The following MYH9 variants were observed in gnomAD, a reference collection of about 807,000 sequenced individuals.
The protein encoded by MYH9 is myosin heavy chain 9.
A neutral mutation model predicts 241.9 loss-of-function variants in MYH9; 29 were observed. The observed-to-expected ratio is 0.12, with a 90% confidence interval of 0.09 to 0.16. The LOEUF is 0.16. Ranked by LOEUF, MYH9 falls within the 10% of genes least tolerant of loss-of-function variation. MYH9 has a pLI of 1.00. For synonymous variants in MYH9, 1,047 were observed against 1,062.6 expected, an observed-to-expected ratio of 0.99 and a Z score of 0.29; for missense variants, 1,803 against 2,595.5, an observed-to-expected ratio of 0.69 and a Z score of 6.63.
rs112996252 is a variant in MYH9, at chr22:36,308,431, ATTTT to A, written c.1843+847_1843+850del. Among the ~76,000 whole-genome samples the A allele has an allele frequency of 9.8e-3, 1,401 of 143,594 alleles. 14 individuals carry two copies. Among genetic ancestry groups the A allele is most frequent in the Non-Finnish European group, 0.013 (831 of 65,106 alleles). 94.2% of individuals were successfully genotyped at this position (143,594 alleles called of 152,430 possible). ...AGGCATGCACCATCACACCCAGCTGATTTTTTTTTTTTTAATTTTTTTGTAGAGA... is the reference window on the plus strand; with the variant it reads ...AGGCATGCACCATCACACCCAGCTGATTTTTTTTTAATTTTTTTGTAGAGA... On this transcript the variant is annotated intron_variant, in intron 15 of 40. Transcript: ENST00000216181.
chr22:36,336,215 T>G (rs2017495895), intron 3 of MYH9, among the ~76,000 whole-genome samples: 1 of 152,230 alleles, frequency 6.6e-6, no homozygotes, highest in African/African-American at 2.4e-5. Flanking sequence ...CTAATTCACA[T>G]AGAAGGGGCT....
rs746272927 is a variant in MYH9, at chr22:36,304,094, C to T, written c.2291G>A (p.Arg764His). 9 of 1,613,696 alleles carry T rather than the reference C, an allele frequency of 5.6e-6. No homozygotes were observed. Among genetic ancestry groups the T allele is most frequent in the Non-Finnish European group, 7.6e-6 (9 of 1,180,030 alleles). Reference sequence around the variant, plus strand: ...CTCCAGGTGGGCCAGCACACCGGCACGGAAGAAGACTTTGCTCTGGCCAAT... The same window carrying T: ...CTCCAGGTGGGCCAGCACACCGGCATGGAAGAAGACTTTGCTCTGGCCAAT... Reference protein sequence around the residue: ...YRIGQSKVFFRAGVLAHLEEE... With the variant: ...YRIGQSKVFFHAGVLAHLEEE... Residue 764 changes from arginine to histidine, a missense_variant, in exon 19 of 41, where the codon CGT (arginine) becomes CAT (histidine). By Grantham distance (29) the Arg-to-His change is conservative. This residue lies in a region of MYH9 where 72 missense variants were observed against 83.3 expected (regional missense o/e 0.86). Coordinates refer to ENST00000216181, the MANE Select transcript of MYH9 (RefSeq NM_002473.6).
intron 1 of MYH9, among the ~76,000 whole-genome samples, chr22:36,354,956 A>AACACACACACACACACACACACACACAC (rs136203): frequency 8.9e-5 from 11 of 123,712 alleles, no homozygotes; most frequent in South Asian, 2.8e-4. Flanking sequence ...CAAAAAACAA[A>AACACACACACACACACACACACACACAC]ACACACACAC....
intron 1 of MYH9, among the ~76,000 whole-genome samples, chr22:36,371,668 C>T (rs548204425): frequency 6.6e-6 from 1 of 152,314 alleles, no homozygotes; most frequent in Admixed American, 6.5e-5. Context: ...TCCCAAGTAG[C>T]TGGGATTACA....
Position 36,305,731 on chromosome 22 carries a change from T to C in MYH9, c.2159+199A>G, listed in dbSNP as rs2016957563. Among the ~76,000 whole-genome samples the C allele has an allele frequency of 6.6e-6, 1 of 152,146 alleles. No individual in the cohort carries two copies. Among genetic ancestry groups the C allele is most frequent in the African/African-American group, 2.4e-5 (1 of 41,424 alleles). On this transcript the variant is annotated intron_variant, in intron 17 of 40. Coordinates refer to ENST00000216181, the MANE Select transcript of MYH9 (RefSeq NM_002473.6). The surrounding 1 kb of genome is among the most constrained non-coding windows in gnomAD (Gnocchi z 4.7). ...GATGATGATGACCTGCATTTCGGTATTAAAATGGGGAAGTCTCCTTTCCTG... is the reference window on the plus strand; with the variant it reads ...GATGATGATGACCTGCATTTCGGTACTAAAATGGGGAAGTCTCCTTTCCTG...
At chr22:36,352,611 C>G (rs1045690578) in intron 1 of MYH9, among the ~76,000 whole-genome samples, 2 of 152,210 alleles carry the variant, frequency 1.3e-5, no homozygotes, top group African/African-American at 4.8e-5. Context: ...GCCCTCAGAA[C>G]CTCACCCTGT....
At position 36,306,317 on chromosome 22, in the gene MYH9, G is replaced by T; in HGVS notation, c.2037+97C>A. On this transcript the variant is annotated intron_variant, in intron 16 of 40. Coordinates refer to ENST00000216181, the MANE Select transcript of MYH9 (RefSeq NM_002473.6). This position sits in a 1 kb window ranked among gnomAD's most constrained non-coding sequence, Gnocchi z 4.1. The stretch of plus-strand genomic sequence containing the variant: ...AACGACTGAAGGCTCTGTGCATGCT[G>T]GGGGGCTGGAGGGGTGCTTTTGCTG... The T allele has an allele frequency of 6.7e-7, 1 of 1,487,054 alleles. No individual in the cohort carries two copies. The highest frequency in any genetic ancestry group is 1.4e-5 in the African/African-American group (1 of 72,316). The allele number at this position is 1,487,054 out of a possible 1,614,324, so 92.1% of individuals were successfully genotyped here. A position where few individuals can be genotyped will look rare whatever the true frequency, so the allele number is the denominator to read the frequency against.
chr22:36,313,229 C>A (rs2017094511), intron 13 of MYH9, among the ~76,000 whole-genome samples: 1 of 151,690 alleles, frequency 6.6e-6, no homozygotes, highest in Non-Finnish European at 1.5e-5. Context: ...TTTGGGAGGC[C>A]GAGGAGGGCA....
chr22:36,304,197 C>T, intron 18 of MYH9, 42 bp from the exon 19 acceptor site: 1 of 1,609,720 alleles, frequency 6.2e-7, no homozygotes. Flanking sequence ...CAGCAACTGG[C>T]CACAGCTCCA....
chr22:36,308,901 G>A (rs2017014670), intron 15 of MYH9: 1 of 975,044 alleles, frequency 1.0e-6, no homozygotes, highest in Non-Finnish European at 1.2e-6. Flanking sequence ...CAAAACCCAG[G>A]CAAAGGAAAA....
rs1324204943 is a variant in MYH9, at chr22:36,295,790, T to C, written c.3273-73A>G. 7.1e-6 allele frequency: 10 copies of C among 1,412,722 alleles called. No individual in the cohort carries two copies. Among genetic ancestry groups the C allele is most frequent in the Non-Finnish European group, 9.8e-6 (10 of 1,023,958 alleles). The allele number at this position is 1,412,722 out of a possible 1,614,324, so 87.5% of individuals were successfully genotyped here. A position where few individuals can be genotyped will look rare whatever the true frequency, so the allele number is the denominator to read the frequency against. ...AGGAGCAGAGTTTGCAGGACAGGCCTGAGAGAGCTGCAGCAGCCAAAGCTG... is the reference window on the plus strand; with the variant it reads ...AGGAGCAGAGTTTGCAGGACAGGCCCGAGAGAGCTGCAGCAGCCAAAGCTG... On this transcript the variant is annotated intron_variant, in intron 25 of 40. Transcript: ENST00000216181. The surrounding 1 kb of genome is among the most constrained non-coding windows in gnomAD (Gnocchi z 4.1).
In MYH9 at chr22:36,282,525, G is replaced by A. The variant is rs1264288117; in HGVS notation, c.*143C>T. The stretch of plus-strand genomic sequence containing the variant: ...CCCTCAACAACACCTGGAGGGAAAC[G>A]GGATGGGGGGACGGGGCGGAGGGCA... On this transcript the variant is annotated 3_prime_UTR_variant, in exon 41 of 41. Coordinates refer to ENST00000216181, the MANE Select transcript of MYH9 (RefSeq NM_002473.6). The A allele has an allele frequency of 2.4e-6, 2 of 834,226 alleles. No individual in the cohort carries two copies. The highest frequency in any genetic ancestry group is 2.7e-5 in the South Asian group (2 of 75,424). 51.7% of individuals were successfully genotyped at this position (834,226 alleles called of 1,614,324 possible).
intron 2 of MYH9, among the ~76,000 whole-genome samples, chr22:36,343,125 A>G (rs555794028): frequency 6.6e-6 from 1 of 152,328 alleles, no homozygotes; most frequent in East Asian, 1.9e-4. Context: ...GGAACCAGTC[A>G]TGAAGAGAAG....
chr22:36,331,673 GC>G (rs2017422033), intron 3 of MYH9, among the ~76,000 whole-genome samples: 1 of 152,202 alleles, frequency 6.6e-6, no homozygotes, highest in East Asian at 1.9e-4. Context: ...AGAGGAAGGG[GC>G]CTGCTTCACC....
chr22:36,372,887 G>T (rs9607339), intron 1 of MYH9, among the ~76,000 whole-genome samples: 58,879 of 151,878 alleles, frequency 0.39, 14,224 homozygotes, highest in Non-Finnish European at 0.55. Context: ...CGGGGTTGGG[G>T]AACAGGGGCC....
Position 36,320,728 on chromosome 22 carries a change from T to C in MYH9, c.868+70A>G, listed in dbSNP as rs1279810555. The C allele has an allele frequency of 7.5e-7, 1 of 1,341,880 alleles. No homozygotes were observed. Among genetic ancestry groups the C allele is most frequent in the Non-Finnish European group, 1.1e-6 (1 of 940,446 alleles). The allele number at this position is 1,341,880 out of a possible 1,614,324, so 83.1% of individuals were successfully genotyped here. ...AAGTTTTCATTTCCCAAATGATGTC[T>C]ACGGTCCAATTCTGGCAAGAGGCCC... On this transcript the variant is annotated intron_variant, in intron 8 of 40. Coordinates refer to ENST00000216181, the MANE Select transcript of MYH9 (RefSeq NM_002473.6). This position sits in a 1 kb window ranked among gnomAD's most constrained non-coding sequence, Gnocchi z 4.8.
At chr22:36,303,539 T>C (rs978152057) in intron 19 of MYH9, among the ~76,000 whole-genome samples, 4 of 151,524 alleles carry the variant, frequency 2.6e-5, no homozygotes, top group Admixed American at 2.0e-4. Flanking sequence ...TCCCAGCACT[T>C]TGGGAGGCTG....
rs2016734779 is a variant in MYH9 at position 36,293,234 on chromosome 22, C to A, written c.4095+95G>T. The A allele has an allele frequency of 6.5e-6, 10 of 1,539,756 alleles. No individual in the cohort carries two copies. On this transcript the variant is annotated intron_variant, in intron 30 of 40. Transcript: ENST00000216181. This position sits in a 1 kb window ranked among gnomAD's most constrained non-coding sequence, Gnocchi z 5.1. ...CAGGGGGAGAGCAGCAATGGGCCGG[C>A]CCAGCGGGCAGGGCTGTCCTGCAGT... is the stretch of plus-strand genomic sequence containing the variant.
At chr22:36,360,102 G>C (rs2017915875) in intron 1 of MYH9, among the ~76,000 whole-genome samples, 1 of 117,776 alleles carries the variant, frequency 8.5e-6, no homozygotes, top group South Asian at 2.6e-4. Context: ...TGTAGCTCAA[G>C]CTCCCAGTGG....
Sources: allele counts gnomAD v4.1 joint callset (sites outside exome capture counted in the v4.1 genomes callset), GRCh38; gene constraint gnomAD v4.1.1; regional missense constraint gnomAD v4.1.1; non-coding constraint Gnocchi (gnomAD v3.1); transcripts MANE v1.5; gene names NCBI Gene and HGNC (gene_info 2026-07-23, HGNC 2026-07-21).